The following TH variants were observed in gnomAD, a reference collection of about 807,000 sequenced individuals.
The protein encoded by TH is tyrosine hydroxylase.
A neutral mutation model predicts 57.4 loss-of-function variants in TH; 49 were observed. The ratio of observed to expected loss-of-function variants is 0.85; its 90% CI spans 0.68 to 1.08. The LOEUF is 1.08. Among genes scored for constraint, TH ranks in the 50% least tolerant of loss-of-function variants. The probability of loss-of-function intolerance (pLI) is 0.00; values close to 1 mark genes in which losing one functional copy is unlikely to be tolerated. For synonymous variants in TH, 330 were observed against 304.5 expected, an observed-to-expected ratio of 1.08 and a Z score of -0.87; for missense variants, 720 against 696.7, an observed-to-expected ratio of 1.03 and a Z score of -0.38.
chr11:2,168,701 GAA>G, intron 2 of TH, 36 bp from the exon 3 acceptor site: 1 of 844,274 alleles, frequency 1.2e-6, no homozygotes, highest in Non-Finnish European at 1.7e-6. Context: ...GAGAGAAGGA[GAA>G]AGAGACAGAG....
chr11:2,169,410 A>AG (rs370954618), intron 2 of TH, among the ~76,000 whole-genome samples: 12 of 152,074 alleles, frequency 7.9e-5, no homozygotes, highest in African/African-American at 2.9e-4. Context: ...GCAAGGCAAG[A>AG]GGCACAGTGG....
In TH at chr11:2,165,727, G is replaced by A. The variant is rs121917762; in HGVS notation, c.1141C>T (p.Gln381Ter). The change falls in exon 11 of 13, where the codon CAG becomes TAG. Residue 381 changes from glutamine to a stop codon, truncating the protein, a stop_gained. Transcript: ENST00000352909. LOFTEE classifies it high-confidence loss of function. ...CCATAGGCCTTCACCTCCCCGTTCT[G>A]CTTACACAGCCCGAACTCCACCGTG... ...WFTVEFGLCK[Q>*]NGEVKAYGAG... 1 of 1,612,732 alleles carries A rather than the reference G, an allele frequency of 6.2e-7. No individual in the cohort carries two copies. Among genetic ancestry groups the A allele is most frequent in the East Asian group, 2.2e-5 (1 of 44,862 alleles).
chr11:2,165,817 G>T, intron 10 of TH, 54 bp from the exon 11 acceptor site: 1 of 1,579,456 alleles, frequency 6.3e-7, no homozygotes. Context: ...CCACCGGGCA[G>T]CCCCTGGTCA....
Position 2,167,669 on chromosome 11 carries a change from G to A in TH, c.645-184C>T, listed in dbSNP as rs1298931565. 4.7e-6 allele frequency: 5 copies of A among 1,066,800 alleles called. No individual in the cohort carries two copies. The African/African-American group carries it at 6.3e-5, about 13-fold the overall frequency. The allele number at this position is 1,066,800 out of a possible 1,614,324, so 66.1% of individuals were successfully genotyped here. On this transcript the variant is annotated intron_variant, in intron 5 of 12. Coordinates refer to ENST00000352909, the MANE Select transcript of TH (RefSeq NM_000360.4). ...TGAGCCGGCTATGTGGCCTCGGCAG[G>A]TTGCTCTAGCCCCCCTGGGCCTCAG...
In TH at chr11:2,166,784, C is replaced by G. The variant is rs1846104294; in HGVS notation, c.842-16G>C. 1 of 1,547,486 alleles carries G rather than the reference C, an allele frequency of 6.5e-7. No homozygotes were observed. The highest frequency in any genetic ancestry group is 8.7e-7 in the Non-Finnish European group (1 of 1,145,598). On this transcript the variant is annotated splice_polypyrimidine_tract_variant and intron_variant, in intron 7 of 12. Transcript: ENST00000352909. The stretch of plus-strand genomic sequence containing the variant: ...CCCGTGCGCTCTGCAAGGGGCCACG[C>G]GGGTCACTGCCGAGCCGGGACGGGC...
rs569532064 is a variant in TH at position 2,169,705 on chromosome 11, A to C, written c.257T>G (p.Phe86Cys). Residue 86 changes from phenylalanine (F) to cysteine (C), a missense_variant, in exon 2 of 13, where the codon TTC (phenylalanine) becomes TGC (cysteine). Phe to Cys is a radical substitution (Grantham distance 205, BLOSUM62 -2). Transcript: ENST00000352909. ...CGAGGGCTTGGTGGCCCTCGGGGAGAAGAGCAGGTTTAGCACGGCCTTCCC... is the reference window on the plus strand; with the variant it reads ...CGAGGGCTTGGTGGCCCTCGGGGAGCAGAGCAGGTTTAGCACGGCCTTCCC... ...KEGKAVLNLL[F>C]SPRATKPSAL... is the part of the protein sequence containing the mutation. 1 of 1,613,260 alleles carries C rather than the reference A, an allele frequency of 6.2e-7. No individual in the cohort carries two copies. The highest frequency in any genetic ancestry group is 1.3e-5 in the African/African-American group (1 of 75,002).
Position 2,171,609 on chromosome 11 carries a change from C to T in TH, c.90+88G>A. ...GCATGGACCCTGAGCCTGGGGCTGCCAGCCAGGCTGGGGAGTAGCAGAGGC... is the reference window on the plus strand; with the variant it reads ...GCATGGACCCTGAGCCTGGGGCTGCTAGCCAGGCTGGGGAGTAGCAGAGGC... On this transcript the variant is annotated intron_variant, in intron 1 of 12. Coordinates refer to ENST00000352909, the MANE Select transcript of TH (RefSeq NM_000360.4). This position sits in a 1 kb window ranked among gnomAD's most constrained non-coding sequence, Gnocchi z 8.6. 1.4e-6 allele frequency: 2 copies of T among 1,466,488 alleles called. No individual in the cohort carries two copies. Among genetic ancestry groups the T allele is most frequent in the South Asian group, 2.3e-5 (2 of 86,946 alleles). The allele number at this position is 1,466,488 out of a possible 1,614,324, so 90.8% of individuals were successfully genotyped here.
Position 2,166,023 on chromosome 11 carries a change from C to A in TH, c.1083G>T (p.Glu361Asp). The stretch of plus-strand genomic sequence containing the variant: ...CCACCGTGGACAGCTTCTCAATTTC[C>A]TCATCCGAGGCCCCCAGGGACGCCA... ...IGLASLGASD[E>D]EIEKLSTLYW... is the part of the protein sequence containing the mutation. Residue 361 changes from glutamate (E) to aspartate (D), a missense_variant, in exon 10 of 13, where the codon GAG becomes GAT. Coordinates refer to ENST00000352909, the MANE Select transcript of TH (RefSeq NM_000360.4). The A allele has an allele frequency of 6.4e-7, 1 of 1,561,598 alleles. No homozygotes were observed. Among genetic ancestry groups the A allele is most frequent in the South Asian group, 1.2e-5 (1 of 84,746 alleles).
At chr11:2,169,013 C>T (rs1846181642) in intron 2 of TH, among the ~76,000 whole-genome samples, 1 of 152,192 alleles carries the variant, frequency 6.6e-6, no homozygotes, top group Admixed American at 6.5e-5. Flanking sequence ...ACCCTGGTGG[C>T]CTCATCCAGG....
chr11:2,167,775 G>T, intron 5 of TH, 91 bp downstream of exon 5: 1 of 1,427,460 alleles, frequency 7.0e-7, no homozygotes, highest in Non-Finnish European at 9.7e-7. Flanking sequence ...GTGACAAGAT[G>T]GGTCCTCCCC....
chr11:2,164,957 C>T (rs3842721), intron 12 of TH, among the ~76,000 whole-genome samples: 5 of 152,300 alleles, frequency 3.3e-5, no homozygotes, highest in African/African-American at 4.8e-5. Flanking sequence ...TTCCACAGGA[C>T]GTCCTCACAA....
At position 2,171,586 on chromosome 11, in the gene TH, A is replaced by T. The variant is rs1846260026; in HGVS notation, c.90+111T>A. The T allele has an allele frequency of 1.6e-5, 19 of 1,223,690 alleles. No individual in the cohort carries two copies. Among genetic ancestry groups the T allele is most frequent in the Non-Finnish European group, 2.1e-5 (18 of 853,740 alleles). 75.8% of individuals were successfully genotyped at this position (1,223,690 alleles called of 1,614,324 possible). On this transcript the variant is annotated intron_variant, in intron 1 of 12. Transcript: ENST00000352909. The surrounding 1 kb of genome is among the most constrained non-coding windows in gnomAD (Gnocchi z 8.6). ...TCCACGCCGCGTCCCAGGGGTTTGC[A>T]TGGACCCTGAGCCTGGGGCTGCCAG...
rs1160259613 is a variant in TH, at chr11:2,166,694, G to A, written c.916C>T (p.Arg306Cys). 1.3e-6 allele frequency: 2 copies of A among 1,557,926 alleles called. No individual in the cohort carries two copies. The highest frequency in any genetic ancestry group is 1.7e-6 in the Non-Finnish European group (2 of 1,151,272). ...ARDFLASLAF[R>C]VFQCTQYIRH... ...ATATACTGGGTGCACTGGAACACGC[G>A]GAAGGCCAGGCTGGCCAGGAAGTCC... is the stretch of plus-strand genomic sequence containing the variant. Residue 306 changes from arginine (R) to cysteine (C), a missense_variant, in exon 8 of 13, where the codon CGC becomes TGC. Physicochemically the swap from Arg to Cys is radical, Grantham distance 180. Transcript: ENST00000352909.
intron 9 of TH, 117 bp downstream of exon 9, chr11:2,166,363 T>C: frequency 1.5e-6 from 2 of 1,359,236 alleles, no homozygotes; most frequent in Admixed American, 2.4e-5. Context: ...CCGAGCCTCC[T>C]TGGCGGGGCC....
chr11:2,168,836 G>A (rs1178595295), intron 2 of TH, 171 bp from the exon 3 acceptor site: 3 of 845,220 alleles, frequency 3.5e-6, no homozygotes, highest in Non-Finnish European at 5.6e-6. Flanking sequence ...TCAGCTGTCG[G>A]CCACCAGGCC....
At position 2,170,767 on chromosome 11, in the gene TH, C is replaced by G; in HGVS notation, c.91-896G>C. ...GAGCCTGTGAGGCTGGGCCCCGGGG[C>G]GCCCTGGGGAGGGGATGCCTGATGG... is the stretch of plus-strand genomic sequence containing the variant. On this transcript the variant is annotated intron_variant, in intron 1 of 12. Coordinates refer to ENST00000352909, the MANE Select transcript of TH (RefSeq NM_000360.4). This position sits in a 1 kb window ranked among gnomAD's most constrained non-coding sequence, Gnocchi z 6.0. 1 of 1,377,314 alleles carries G rather than the reference C, an allele frequency of 7.3e-7. No individual in the cohort carries two copies. Among genetic ancestry groups the G allele is most frequent in the Non-Finnish European group, 9.5e-7 (1 of 1,047,826 alleles). 85.3% of individuals were successfully genotyped at this position (1,377,314 alleles called of 1,614,324 possible). A position where few individuals can be genotyped will look rare whatever the true frequency, so the allele number is the denominator to read the frequency against.
intron 2 of TH, 82 bp downstream of exon 2, chr11:2,169,568 C>T: frequency 1.4e-6 from 2 of 1,404,222 alleles, no homozygotes; most frequent in East Asian, 2.3e-5. Flanking sequence ...TGCACCTCTG[C>T]TATAGAGGGG....
chr11:2,169,988 C>A, intron 1 of TH, 117 bp from the exon 2 acceptor site: 1 of 1,103,170 alleles, frequency 9.1e-7, no homozygotes, highest in South Asian at 1.3e-5. Context: ...GGGATGAGAG[C>A]ACGTTTTTGA....
At chr11:2,168,288 G>A (rs1448602576) in intron 3 of TH, 109 bp from the exon 4 acceptor site, 22 of 1,393,888 alleles carry the variant, frequency 1.6e-5, no homozygotes, top group East Asian at 4.6e-5. Context: ...AGAGGCAGCC[G>A]GGGCTGTGAG....
Sources: allele counts gnomAD v4.1 joint callset (sites outside exome capture counted in the v4.1 genomes callset), GRCh38; gene constraint gnomAD v4.1.1; non-coding constraint Gnocchi (gnomAD v3.1); transcripts MANE v1.5; gene names NCBI Gene and HGNC (gene_info 2026-07-23, HGNC 2026-07-21).